The following DICER1 variants were observed in gnomAD, a reference collection of about 807,000 sequenced individuals.
DICER1 encodes the protein endoribonuclease Dicer.
DICER1 carries 43 observed loss-of-function variants against 194.1 expected under a neutral mutation model. The observed-to-expected ratio is 0.22, with a 90% CI of 0.17 to 0.29. DICER1 has a LOEUF of 0.29. DICER1 is among the 10% of genes least tolerant of loss of function. The probability of loss-of-function intolerance (pLI) is 1.00; values close to 1 mark genes in which losing one functional copy is unlikely to be tolerated. For missense variants in DICER1, 1,608 were observed against 2,317.0 expected (o/e 0.69, Z 6.28); for synonymous variants, 832 against 820.5 (o/e 1.01, Z -0.24).
intron 14 of DICER1, among the ~76,000 whole-genome samples, chr14:95,110,321 C>T (rs1000617793): frequency 2.0e-5 from 3 of 152,210 alleles, no homozygotes; most frequent in African/African-American, 7.2e-5. Flanking sequence ...GGGCCCCATG[C>T]AGGAACCCAT....
At chr14:95,144,632 G>C (rs1039381821) in intron 1 of DICER1, among the ~76,000 whole-genome samples, 1 of 151,902 alleles carries the variant, frequency 6.6e-6, no homozygotes, top group Non-Finnish European at 1.5e-5. Flanking sequence ...TTCATTAACC[G>C]TAAGATTCGG....
At chr14:95,141,813 T>C (rs1318828840) in intron 1 of DICER1, 2 of 152,244 alleles carry the variant, frequency 1.3e-5, no homozygotes, top group Non-Finnish European at 2.9e-5. Context: ...CTTTAAGAGA[T>C]GTTCTACTTT....
At chr14:95,101,748 C>G (rs970477102) in intron 21 of DICER1, among the ~76,000 whole-genome samples, 1 of 152,190 alleles carries the variant, frequency 6.6e-6, no homozygotes, top group Non-Finnish European at 1.5e-5. Context: ...GGTGACCTGA[C>G]AGGAGCCCAT....
At position 95,131,768 on chromosome 14, in the gene DICER1, T is replaced by C. The variant is rs565360991; in HGVS notation, c.308-129A>G. 11 of 910,166 alleles carry C rather than the reference T, an allele frequency of 1.2e-5. No homozygotes were observed. The Admixed American group carries it at 1.5e-4, about 12-fold the overall frequency. The allele number at this position is 910,166 out of a possible 1,614,324, so 56.4% of individuals were successfully genotyped here. A position where few individuals can be genotyped will look rare whatever the true frequency, so the allele number is the denominator to read the frequency against. ...TAGACCTAACCAACAATGTTTTTGATAGCCTCTTTAAAACCACAGTTCCAA... is the reference window on the plus strand; with the variant it reads ...TAGACCTAACCAACAATGTTTTTGACAGCCTCTTTAAAACCACAGTTCCAA... On this transcript the variant is annotated intron_variant, in intron 3 of 26. Transcript: ENST00000343455.
rs1555374756 is a variant in DICER1 at position 95,124,502 on chromosome 14, G to A, written c.1070C>T (p.Ala357Val). Residue 357 changes from alanine (A) to valine (V), a missense_variant, in exon 8 of 27, where the codon GCA becomes GTA. Ala to Val is a moderately conservative substitution (Grantham distance 64). Coordinates refer to ENST00000343455, the MANE Select transcript of DICER1 (RefSeq NM_177438.3). The surrounding 1 kb of genome is among the most constrained non-coding windows in gnomAD (Gnocchi z 4.5). ...FTDTFLRKIH[A>V]LCEEHFSPAS... is the part of the protein sequence containing the mutation. ...AGGTGAGAAGTGCTCTTCACATAGTGCATGTATTTTCCTTAGGAAAGTGTC... is the reference window on the plus strand; with the variant it reads ...AGGTGAGAAGTGCTCTTCACATAGTACATGTATTTTCCTTAGGAAAGTGTC... The A allele has an allele frequency of 3.1e-6, 5 of 1,614,070 alleles. No homozygotes were observed. The highest frequency in any genetic ancestry group is 4.2e-6 in the Non-Finnish European group (5 of 1,180,020).
At chr14:95,139,943 C>G (rs536501579) in intron 1 of DICER1, among the ~76,000 whole-genome samples, 1 of 152,148 alleles carries the variant, frequency 6.6e-6, no homozygotes, top group African/African-American at 2.4e-5. Context: ...CTTAAAATTC[C>G]AACAGGTAAT....
In DICER1 at chr14:95,095,886, C is replaced by G. The variant is rs753111453; in HGVS notation, c.5034G>C (p.Lys1678Asn). The change falls in exon 23 of 27, where the codon AAG becomes AAC. Residue 1678 changes from lysine to asparagine, a missense_variant. This residue lies in a region of DICER1 where 125 missense variants were observed against 134.9 expected (regional missense o/e 0.93). Transcript: ENST00000343455. ...AAGCCTGGAGAAGGTAAGCCTTATT[C>G]TTGAATCTGTAGTTGATTTTCTTTT... ...NFEKKINYRF[K>N]NKAYLLQAFT... 6.2e-7 allele frequency: 1 copy of G among 1,614,172 alleles called. No individual in the cohort carries two copies. Among genetic ancestry groups the G allele is most frequent in the Non-Finnish European group, 8.5e-7 (1 of 1,180,022 alleles).
chr14:95,120,890 G>A (rs1363041540), intron 8 of DICER1, among the ~76,000 whole-genome samples: 1 of 152,174 alleles, frequency 6.6e-6, no homozygotes, highest in Non-Finnish European at 1.5e-5. Context: ...CCCTACCAGG[G>A]TGGGCTAGAC....
At chr14:95,106,331 TTAAAAA>T in intron 17 of DICER1, 108 bp from the exon 18 acceptor site, 1 of 863,868 alleles carries the variant, frequency 1.2e-6, no homozygotes, top group Non-Finnish European at 1.9e-6. Context: ...ATTCAAAAGA[TTAAAAA>T]TAAGTAACAA....
intron 8 of DICER1, among the ~76,000 whole-genome samples, chr14:95,118,687 G>C (rs760332526): frequency 1.3e-5 from 2 of 152,108 alleles, no homozygotes; most frequent in African/African-American, 4.8e-5. Context: ...CTCAGCACAC[G>C]GGATAAATGG....
chr14:95,123,658 T>G (rs998244125), intron 8 of DICER1, among the ~76,000 whole-genome samples: 1 of 152,170 alleles, frequency 6.6e-6, no homozygotes, highest in Non-Finnish European at 1.5e-5. Flanking sequence ...TACCTGCCTC[T>G]GGCTCCCAAA....
intron 1 of DICER1, among the ~76,000 whole-genome samples, chr14:95,142,984 TCA>T (rs1894910351): frequency 6.6e-6 from 1 of 152,230 alleles, no homozygotes; most frequent in Non-Finnish European, 1.5e-5. Flanking sequence ...TTATTATGCA[TCA>T]CAGATTCTGA....
At chr14:95,128,068 C>A (rs1478955674) in intron 6 of DICER1, among the ~76,000 whole-genome samples, 3 of 152,072 alleles carry the variant, frequency 2.0e-5, no homozygotes, top group Admixed American at 2.0e-4. Context: ...GAAAACTCCC[C>A]CAACTTTCAT....
In DICER1 at chr14:95,105,874, C is replaced by T. The variant is rs554555731; in HGVS notation, c.2988-91G>A. On this transcript the variant is annotated intron_variant, in intron 18 of 26. Transcript: ENST00000343455. This position sits in a 1 kb window ranked among gnomAD's most constrained non-coding sequence, Gnocchi z 4.9. Reference sequence around the variant, plus strand: ...CAAAAACCACCTGAAGAGCTCATTTCAACTACAGCCTCTTGGGCTACCCCT... The same window carrying T: ...CAAAAACCACCTGAAGAGCTCATTTTAACTACAGCCTCTTGGGCTACCCCT... The T allele has an allele frequency of 1.2e-4, 163 of 1,383,934 alleles. No homozygotes were observed. Among genetic ancestry groups the T allele is most frequent in the Non-Finnish European group, 1.4e-4 (137 of 972,364 alleles). 85.7% of individuals were successfully genotyped at this position (1,383,934 alleles called of 1,614,324 possible).
In DICER1 at chr14:95,089,492, A is replaced by G. The variant is rs1229109187; in HGVS notation, c.*1006T>C. Reference sequence around the variant, plus strand: ...TTTAGGTGTGATATGTCTAAGGTTTATTTTGTTAGAGCAACAGCCTAGAAG... The same window carrying G: ...TTTAGGTGTGATATGTCTAAGGTTTGTTTTGTTAGAGCAACAGCCTAGAAG... On this transcript the variant is annotated 3_prime_UTR_variant, in exon 27 of 27. Coordinates refer to ENST00000343455, the MANE Select transcript of DICER1 (RefSeq NM_177438.3). The G allele has an allele frequency of 8.6e-6, 2 of 232,432 alleles. No homozygotes were observed. The highest frequency in any genetic ancestry group is 1.7e-5 in the Non-Finnish European group (2 of 117,650). 14.4% of individuals were successfully genotyped at this position (232,432 alleles called of 1,614,324 possible). A position where few individuals can be genotyped will look rare whatever the true frequency, so the allele number is the denominator to read the frequency against.
chr14:95,105,082 A>G lies in DICER1; in HGVS notation c.3258T>C (p.Pro1086=). 6.2e-7 allele frequency: 1 copy of G among 1,614,140 alleles called. No homozygotes were observed. The highest frequency in any genetic ancestry group is 8.5e-7 in the Non-Finnish European group (1 of 1,180,014). ...CTGCACAGGCATACCTAAAATCCGC[A>G]GGAAGTGATCTGACTCCCACGCCAG... ...SDAGVGVRSL[P]ADFRYPNLDF... The change falls in exon 20 of 27, where the codon CCT becomes CCC. Residue 1086 remains proline, a synonymous_variant. Coordinates refer to ENST00000343455, the MANE Select transcript of DICER1 (RefSeq NM_177438.3). The surrounding 1 kb of genome is among the most constrained non-coding windows in gnomAD (Gnocchi z 4.9).
rs886037716 is a variant in DICER1, at chr14:95,096,403, C to T, written c.4517G>A (p.Trp1506Ter). The T allele has an allele frequency of 6.2e-7, 1 of 1,614,062 alleles. No individual in the cohort carries two copies. The highest frequency in any genetic ancestry group is 1.3e-5 in the African/African-American group (1 of 74,928). The change falls in exon 23 of 27, where the codon TGG (tryptophan) becomes TAG (stop). Residue 1506 changes from tryptophan (W) to a stop codon, truncating the protein, a stop_gained. Transcript: ENST00000343455. LOFTEE classifies it high-confidence loss of function. ...SDFEDFDYSS[W>*]DAMCYLDPSK... ...AGGATCCAGATAGCACATTGCATCC[C>T]AAGAGCTGTAGTCAAAATCCTCAAA...
chr14:95,128,448 G>A (rs1893670166), intron 6 of DICER1, among the ~76,000 whole-genome samples: 1 of 152,194 alleles, frequency 6.6e-6, no homozygotes, highest in African/African-American at 2.4e-5. Context: ...GTCAGACACA[G>A]CACGTTCTAG....
Position 95,128,611 on chromosome 14 carries a change from T to C in DICER1, c.734+861A>G, listed in dbSNP as rs569804035. 2.0e-5 allele frequency among the ~76,000 whole-genome samples: 3 copies of C among 152,352 alleles called. No individual in the cohort carries two copies. The East Asian group carries it at 5.8e-4, about 29-fold the overall frequency. On this transcript the variant is annotated intron_variant, in intron 6 of 26. Coordinates refer to ENST00000343455, the MANE Select transcript of DICER1 (RefSeq NM_177438.3). ...CAGATTTTTCTATGTGTCAATGTAA[T>C]TGATCATCAAAGAATCCCATGAAAC...
Sources: allele counts gnomAD v4.1 joint callset (sites outside exome capture counted in the v4.1 genomes callset), GRCh38; gene constraint gnomAD v4.1.1; regional missense constraint gnomAD v4.1.1; non-coding constraint Gnocchi (gnomAD v3.1); transcripts MANE v1.5; gene names NCBI Gene and HGNC (gene_info 2026-07-23, HGNC 2026-07-21).